FAT3: variants seen among roughly 807,000 people sequenced by gnomAD.
The protein encoded by FAT3 is FAT atypical cadherin 3.
In FAT3, 95 loss-of-function variants were observed where a neutral mutation model predicts 310.2. That is an observed-to-expected ratio of 0.31 (90% CI 0.26 to 0.36). The LOEUF is 0.36. Ranked by LOEUF, FAT3 falls within the 10% of genes least tolerant of loss-of-function variation. The pLI, the probability that FAT3 is intolerant of heterozygous loss-of-function variation, is 1.00. For synonymous variants in FAT3, 2,314 were observed against 2,192.9 expected (o/e 1.06, Z -1.54); for missense variants, 5,408 against 5,715.6 (o/e 0.95, Z 1.74).
intron 1 of FAT3, among the ~76,000 whole-genome samples, chr11:92,333,368 A>G (rs143561015): frequency 1.3e-5 from 2 of 152,320 alleles, no homozygotes; most frequent in East Asian, 3.9e-4. Flanking sequence ...TTAGTAATTT[A>G]ATTCTCTGAC....
intron 4 of FAT3, among the ~76,000 whole-genome samples, chr11:92,724,308 G>A (rs1944938381): frequency 6.6e-6 from 1 of 152,144 alleles, no homozygotes; most frequent in East Asian, 1.9e-4. Context: ...AGGTTTCCAA[G>A]TACAGCAAGA....
chr11:92,583,138 C>T (rs967990170), intron 3 of FAT3, among the ~76,000 whole-genome samples: 1 of 151,348 alleles, frequency 6.6e-6, no homozygotes, highest in South Asian at 2.1e-4. Context: ...AATTCAGGCT[C>T]CCTTGTCTAA....
At chr11:92,331,658 C>G (rs937206936) in intron 1 of FAT3, among the ~76,000 whole-genome samples, 1 of 152,088 alleles carries the variant, frequency 6.6e-6, no homozygotes, top group African/African-American at 2.4e-5. Flanking sequence ...TTGTCTTTGG[C>G]TTTGTGAATG....
At chr11:92,734,272 C>T (rs548849611) in intron 4 of FAT3, among the ~76,000 whole-genome samples, 16 of 152,204 alleles carry the variant, frequency 1.1e-4, no homozygotes, top group African/African-American at 2.2e-4. Context: ...TGTGTCAGTG[C>T]GATACCACAT....
intron 3 of FAT3, among the ~76,000 whole-genome samples, chr11:92,530,902 G>GGA (rs1555075800): frequency 6.8e-6 from 1 of 147,318 alleles, no homozygotes; most frequent in Non-Finnish European, 1.5e-5. Context: ...GGGATTTAAA[G>GGA]AAAAAAAAAA....
chr11:92,801,149 G>A lies in FAT3; in HGVS notation c.8136G>A (p.Gln2712=), dbSNP rs775962665. The change falls in exon 10 of 28, where the codon CAG becomes CAA. Residue 2712 remains glutamine (Q), a synonymous_variant. Coordinates refer to ENST00000525166, the MANE Select transcript of FAT3 (RefSeq NM_001367949.2). ...ETFLPSFTQS[Q]YSFTIAEDTA... ...TCTTGCCATCATTCACCCAGTCTCA[G>A]TATTCCTTTACCATTGCAGAAGATA... 2.5e-6 allele frequency: 4 copies of A among 1,613,816 alleles called. No homozygotes were observed. The African/African-American group carries it at 4.0e-5, about 16-fold the overall frequency.
intron 3 of FAT3, among the ~76,000 whole-genome samples, chr11:92,683,560 A>G (rs902576321): frequency 2.6e-5 from 4 of 152,052 alleles, no homozygotes; most frequent in African/African-American, 4.8e-5. Flanking sequence ...TCTGTCCCCC[A>G]TGTTAACTTT....
At chr11:92,638,934 A>C (rs1432121134) in intron 3 of FAT3, among the ~76,000 whole-genome samples, 1 of 152,296 alleles carries the variant, frequency 6.6e-6, no homozygotes, top group Non-Finnish European at 1.5e-5. Context: ...TACTAATCTC[A>C]TATAAGCCAT....
intron 1 of FAT3, among the ~76,000 whole-genome samples, chr11:92,274,686 G>T (rs1946216808): frequency 6.6e-6 from 1 of 151,844 alleles, no homozygotes; most frequent in African/African-American, 2.4e-5. Flanking sequence ...CTATTTCTGT[G>T]TTTTCTTTAC....
At chr11:92,748,573 A>G (rs903024311) in intron 4 of FAT3, among the ~76,000 whole-genome samples, 1 of 152,122 alleles carries the variant, frequency 6.6e-6, no homozygotes, top group African/African-American at 2.4e-5. Flanking sequence ...ACCATTCCAC[A>G]AGTTTATTCA....
chr11:92,343,169 AC>A (rs1439830692), intron 1 of FAT3, among the ~76,000 whole-genome samples: 1 of 152,154 alleles, frequency 6.6e-6, no homozygotes, highest in Non-Finnish European at 1.5e-5. Flanking sequence ...CTGCATGCTG[AC>A]TGACTTCTTT....
At chr11:92,297,523 G>A (rs1027182812) in intron 1 of FAT3, among the ~76,000 whole-genome samples, 8 of 151,878 alleles carry the variant, frequency 5.3e-5, no homozygotes, top group Non-Finnish European at 1.0e-4. Context: ...TTGGTAACAC[G>A]GATATTATGA....
chr11:92,879,988 C>A (rs1437188033), intron 22 of FAT3, among the ~76,000 whole-genome samples: 1 of 151,758 alleles, frequency 6.6e-6, no homozygotes, highest in East Asian at 1.9e-4. Context: ...AAAGAACACC[C>A]TTACTAGTTA....
Position 92,370,501 on chromosome 11 carries a change from C to T in FAT3, c.3292+15097C>T, listed in dbSNP as rs1289099919. ...CGATACTGGGTAGAGTTAGGTATTT[C>T]TTTCTTACACCTTGAGGATACTTCT... On this transcript the variant is annotated intron_variant, in intron 2 of 27. Transcript: ENST00000525166. Among the ~76,000 whole-genome samples, 11 of 152,252 alleles carry T rather than the reference C, an allele frequency of 7.2e-5. No homozygotes were observed. The South Asian group carries it at 1.9e-3, about 26-fold the overall frequency.
chr11:92,546,563 A>G (rs1329968323), intron 3 of FAT3, among the ~76,000 whole-genome samples: 1 of 152,212 alleles, frequency 6.6e-6, no homozygotes, highest in Non-Finnish European at 1.5e-5. Context: ...TTCTGATCTT[A>G]ACTGAAATTA....
At chr11:92,832,344 A>C (rs1948286122) in intron 14 of FAT3, among the ~76,000 whole-genome samples, 1 of 151,930 alleles carries the variant, frequency 6.6e-6, no homozygotes, top group Non-Finnish European at 1.5e-5. Context: ...CAAAAAAAAT[A>C]ATAATAGTAA....
chr11:92,560,416 A>G (rs2135466647), intron 3 of FAT3, among the ~76,000 whole-genome samples: 1 of 152,192 alleles, frequency 6.6e-6, no homozygotes, highest in African/African-American at 2.4e-5. Context: ...TTGAAGAACA[A>G]TGGGTTTTCA....
intron 4 of FAT3, among the ~76,000 whole-genome samples, chr11:92,705,953 T>G: frequency 8.0e-6 from 1 of 124,562 alleles, no homozygotes; most frequent in Admixed American, 8.2e-5. Context: ...TGTGGTGTGG[T>G]GGTTGTGATG....
At chr11:92,701,605 T>G (rs1377229264) in intron 4 of FAT3, among the ~76,000 whole-genome samples, 1 of 152,170 alleles carries the variant, frequency 6.6e-6, no homozygotes, top group Admixed American at 6.5e-5. Context: ...AATGCAAAAA[T>G]GTAGAATTTT....
Sources: allele counts gnomAD v4.1 joint callset (sites outside exome capture counted in the v4.1 genomes callset), GRCh38; gene constraint gnomAD v4.1.1; transcripts MANE v1.5; gene names NCBI Gene and HGNC (gene_info 2026-07-23, HGNC 2026-07-21).